The following SEC22A variants were observed in gnomAD, a reference collection of about 807,000 sequenced individuals.
SEC22A encodes SEC22 homolog A, vesicle trafficking protein, also known as vesicle-trafficking protein SEC22a.
SEC22A carries 22 observed loss-of-function variants against 35.3 expected under a neutral mutation model. That is an observed-to-expected ratio of 0.62 (90% CI 0.45 to 0.89). SEC22A has a LOEUF of 0.89. SEC22A is among the 40% of genes least tolerant of loss of function. The pLI is 0.00. For synonymous variants in SEC22A, 119 were observed against 129.5 expected, an observed-to-expected ratio of 0.92 and a Z score of 0.55; for missense variants, 354 against 362.5, an observed-to-expected ratio of 0.98 and a Z score of 0.19.
chr3:123,216,486 A>T (rs536473260), intron 2 of SEC22A, among the ~76,000 whole-genome samples: 2 of 152,296 alleles, frequency 1.3e-5, no homozygotes. Flanking sequence ...CATCTGGCAT[A>T]TTTCATATTA....
intron 4 of SEC22A, among the ~76,000 whole-genome samples, chr3:123,238,826 T>C (rs538281674): frequency 6.6e-6 from 1 of 152,316 alleles, no homozygotes; most frequent in Admixed American, 6.5e-5. Flanking sequence ...ATGTTGTTCA[T>C]GGGGTTAAAA....
chr3:123,208,885 C>T lies in SEC22A; in HGVS notation c.-19-314C>T, dbSNP rs185893724. On this transcript the variant is annotated intron_variant, in intron 1 of 6. Transcript: ENST00000492595. The stretch of plus-strand genomic sequence containing the variant: ...TTTCGGCTCACTGCAACCTCTGCCT[C>T]CCGGGTTCAAGCAATTCTCCTGCCT... 49 of 269,144 alleles carry T rather than the reference C, an allele frequency of 1.8e-4. No individual in the cohort carries two copies. The East Asian group carries it at 4.7e-3, about 26-fold the overall frequency. 16.7% of individuals were successfully genotyped at this position (269,144 alleles called of 1,614,324 possible). A position where few individuals can be genotyped will look rare whatever the true frequency, so the allele number is the denominator to read the frequency against.
At chr3:123,262,615 G>A (rs1357318727) in intron 6 of SEC22A, among the ~76,000 whole-genome samples, 1 of 152,134 alleles carries the variant, frequency 6.6e-6, no homozygotes, top group African/African-American at 2.4e-5. Context: ...GAATAAAATA[G>A]GCTTTGTATT....
chr3:123,232,621 T>C (rs1475133169), intron 4 of SEC22A, among the ~76,000 whole-genome samples: 5 of 152,116 alleles, frequency 3.3e-5, no homozygotes, highest in African/African-American at 9.7e-5. Context: ...CCGAAGCAGG[T>C]AGATGGCTTG....
intron 6 of SEC22A, among the ~76,000 whole-genome samples, chr3:123,262,406 C>G (rs762892585): frequency 1.3e-5 from 2 of 152,184 alleles, no homozygotes; most frequent in African/African-American, 2.4e-5. Context: ...TAACATCTTG[C>G]AACACCTTCT....
intron 4 of SEC22A, among the ~76,000 whole-genome samples, chr3:123,243,198 G>T (rs1308540019): frequency 1.6e-5 from 2 of 124,122 alleles, no homozygotes; most frequent in Non-Finnish European, 3.2e-5. Flanking sequence ...CTTACTTTGT[G>T]CCCATGAGCA....
At chr3:123,248,183 A>C (rs1037229459) in intron 5 of SEC22A, among the ~76,000 whole-genome samples, 6 of 152,200 alleles carry the variant, frequency 3.9e-5, no homozygotes, top group Admixed American at 3.9e-4. Context: ...CACTCTGTCC[A>C]ACATCATACT....
chr3:123,269,179 A>ATATGTGTGTG (rs756213040), intron 6 of SEC22A, among the ~76,000 whole-genome samples: 1 of 120,666 alleles, frequency 8.3e-6, no homozygotes, highest in African/African-American at 3.1e-5. Context: ...AATTAAATAT[A>ATATGTGTGTG]TGTGTGTGTG....
At chr3:123,211,179 C>A (rs1936935039) in intron 2 of SEC22A, among the ~76,000 whole-genome samples, 1 of 151,956 alleles carries the variant, frequency 6.6e-6, no homozygotes, top group Non-Finnish European at 1.5e-5. Flanking sequence ...CTTATTAGGG[C>A]CTGAAGTAAG....
chr3:123,238,173 T>C (rs989246543), intron 4 of SEC22A, among the ~76,000 whole-genome samples: 1 of 152,014 alleles, frequency 6.6e-6, no homozygotes, highest in African/African-American at 2.4e-5. Context: ...GTTTTAAAAG[T>C]AACTCACAAC....
rs1475345124 is a variant in SEC22A, at chr3:123,271,661, T to C, written c.863T>C (p.Phe288Ser). 1 of 1,614,162 alleles carries C rather than the reference T, an allele frequency of 6.2e-7. No individual in the cohort carries two copies. The highest frequency in any genetic ancestry group is 8.5e-7 in the Non-Finnish European group (1 of 1,180,022). The change falls in exon 7 of 7, where the codon TTT (phenylalanine) becomes TCT (serine). Residue 288 changes from phenylalanine (F) to serine (S), a missense_variant. Coordinates refer to ENST00000492595, the MANE Select transcript of SEC22A (RefSeq NM_012430.5). ...QLFFHVTVGAFVTLQIWLRQA... is the reference protein window; with the variant it reads ...QLFFHVTVGASVTLQIWLRQA... The stretch of plus-strand genomic sequence containing the variant: ...TTCTTTCATGTGACTGTGGGAGCAT[T>C]TGTTACACTACAGATCTGGCTAAGG...
chr3:123,241,963 A>T (rs867187220), intron 4 of SEC22A, among the ~76,000 whole-genome samples: 1 of 146,166 alleles, frequency 6.8e-6, no homozygotes, highest in African/African-American at 2.6e-5. Context: ...AAAAAAAAAA[A>T]ATTTTAAGGA....
chr3:123,208,806 T>A (rs78519565), intron 1 of SEC22A: 91 of 182,802 alleles, frequency 5.0e-4, no homozygotes, highest in African/African-American at 2.1e-3. Context: ...GTTTTTTTTT[T>A]CCTCCTGAGA....
chr3:123,228,576 C>CAA (rs528536258), intron 4 of SEC22A, among the ~76,000 whole-genome samples: 13 of 83,022 alleles, frequency 1.6e-4, no homozygotes, highest in African/African-American at 5.4e-4. Context: ...AACTCCATCT[C>CAA]AAAAAAAAAA....
chr3:123,255,571 T>C (rs984193955), intron 5 of SEC22A, among the ~76,000 whole-genome samples: 2 of 152,210 alleles, frequency 1.3e-5, no homozygotes, highest in Non-Finnish European at 2.9e-5. Flanking sequence ...CTCCCAACTT[T>C]CTTCCTCAGA....
intron 3 of SEC22A, among the ~76,000 whole-genome samples, chr3:123,224,385 A>G (rs77238483): frequency 0.047 from 6,783 of 145,554 alleles, 238 homozygotes; most frequent in African/African-American, 0.1. Flanking sequence ...CTAATGGTGT[A>G]AGCAATAAAA....
At chr3:123,258,037 A>T (rs2108095307) in intron 5 of SEC22A, among the ~76,000 whole-genome samples, 1 of 151,610 alleles carries the variant, frequency 6.6e-6, no homozygotes, top group Admixed American at 6.6e-5. Flanking sequence ...GAAAAGAAGG[A>T]GTGATTAAGA....
chr3:123,250,791 G>GTC (rs1937606032), intron 5 of SEC22A, among the ~76,000 whole-genome samples: 1 of 152,180 alleles, frequency 6.6e-6, no homozygotes, highest in African/African-American at 2.4e-5. Context: ...CTCAGCCCAA[G>GTC]TCTCCTCACC....
chr3:123,255,935 TA>T (rs1313350704), intron 5 of SEC22A, among the ~76,000 whole-genome samples: 2 of 151,786 alleles, frequency 1.3e-5, no homozygotes, highest in African/African-American at 4.8e-5. Flanking sequence ...TTTTTTTTTT[TA>T]CTGAGTCATT....
Sources: allele counts gnomAD v4.1 joint callset (sites outside exome capture counted in the v4.1 genomes callset), GRCh38; gene constraint gnomAD v4.1.1; transcripts MANE v1.5; gene names NCBI Gene and HGNC (gene_info 2026-07-23, HGNC 2026-07-21).